Variants in XKR4 observed in about 807,000 individuals in gnomAD.
The protein encoded by XKR4 is XK-related protein 4.
A neutral mutation model predicts 53.9 loss-of-function variants in XKR4; 12 were observed. The observed-to-expected ratio is 0.22, with a 90% CI of 0.14 to 0.36. The LOEUF (loss-of-function observed/expected upper bound fraction) is 0.36, where lower values mean the gene tolerates loss of function less well. XKR4 is among the 10% of genes least tolerant of loss of function. The pLI is 1.00. For synonymous variants in XKR4, 354 were observed against 362.4 expected, an observed-to-expected ratio of 0.98 and a Z score of 0.26; for missense variants, 799 against 859.5, an observed-to-expected ratio of 0.93 and a Z score of 0.88.
chr8:55,471,592 G>T (rs781195103), intron 2 of XKR4, among the ~76,000 whole-genome samples: 2 of 152,108 alleles, frequency 1.3e-5, no homozygotes, highest in Admixed American at 1.3e-4. Context: ...CAATTTGGAG[G>T]CCAGATGCAA....
intron 2 of XKR4, among the ~76,000 whole-genome samples, chr8:55,381,927 G>C (rs947216527): frequency 2.0e-5 from 3 of 152,220 alleles, no homozygotes; most frequent in African/African-American, 7.2e-5. Context: ...GATCCAGGAG[G>C]TTAAATGCCA....
intron 1 of XKR4, chr8:55,135,708 T>C: frequency 2.2e-6 from 1 of 451,662 alleles, no homozygotes; most frequent in Admixed American, 2.4e-5. Context: ...TTATGCCCAT[T>C]ACACCTTGTA....
chr8:55,452,325 C>T (rs779688585), intron 2 of XKR4: 9 of 637,684 alleles, frequency 1.4e-5, no homozygotes, highest in Middle Eastern at 2.8e-4. Flanking sequence ...CGGGAAGGAG[C>T]GGAACACCAC....
In XKR4 at chr8:55,409,209, G is replaced by A. The variant is rs115076704; in HGVS notation, c.1006+51332G>A. On this transcript the variant is annotated intron_variant, in intron 2 of 2. Coordinates refer to ENST00000327381, the MANE Select transcript of XKR4 (RefSeq NM_052898.2). ...TGTGTAAACCCTGTGTTGGAGAGGCGTTACAGGCCTGGCAGGCAGCAAGCA... is the reference window on the plus strand; with the variant it reads ...TGTGTAAACCCTGTGTTGGAGAGGCATTACAGGCCTGGCAGGCAGCAAGCA... Among the ~76,000 whole-genome samples the A allele has an allele frequency of 3.9e-3, 601 of 152,292 alleles. 5 individuals carry two copies. Among genetic ancestry groups the A allele is most frequent in the African/African-American group, 0.014 (577 of 41,566 alleles).
chr8:55,397,493 C>T (rs1804538484), intron 2 of XKR4, among the ~76,000 whole-genome samples: 1 of 152,038 alleles, frequency 6.6e-6, no homozygotes, highest in African/African-American at 2.4e-5. Flanking sequence ...CAACAGGTGG[C>T]CAAGTGGCAC....
chr8:55,168,650 G>A (rs1353822303), intron 1 of XKR4, among the ~76,000 whole-genome samples: 3 of 152,058 alleles, frequency 2.0e-5, no homozygotes, highest in South Asian at 2.1e-4. Context: ...TTTTAATTCT[G>A]AAGCCTATCC....
intron 1 of XKR4, among the ~76,000 whole-genome samples, chr8:55,279,534 G>C (rs1036707219): frequency 6.6e-6 from 1 of 152,218 alleles, no homozygotes; most frequent in Non-Finnish European, 1.5e-5. Flanking sequence ...TACATCAGAA[G>C]TGGAAAAGGG....
chr8:55,521,135 G>A (rs544074609), intron 2 of XKR4, among the ~76,000 whole-genome samples: 1 of 152,344 alleles, frequency 6.6e-6, no homozygotes, highest in Admixed American at 6.5e-5. Flanking sequence ...GGCGTTCCCG[G>A]GCAGAAACCC....
intron 1 of XKR4, among the ~76,000 whole-genome samples, chr8:55,166,371 A>G (rs1417331006): frequency 6.6e-6 from 1 of 152,220 alleles, no homozygotes; most frequent in East Asian, 1.9e-4. Context: ...GGGAACAGTC[A>G]TCTCTGCTGA....
intron 1 of XKR4, among the ~76,000 whole-genome samples, chr8:55,112,315 A>G (rs1816243482): frequency 6.6e-6 from 1 of 152,146 alleles, no homozygotes; most frequent in South Asian, 2.1e-4. Context: ...AGTAACGATG[A>G]GTCAAATAGA....
At chr8:55,494,816 A>G (rs1029627173) in intron 2 of XKR4, among the ~76,000 whole-genome samples, 1 of 152,144 alleles carries the variant, frequency 6.6e-6, no homozygotes, top group African/African-American at 2.4e-5. Flanking sequence ...ATGCACAGCC[A>G]TGGGTGGCCA....
At chr8:55,300,474 C>T (rs1819176140) in intron 1 of XKR4, among the ~76,000 whole-genome samples, 1 of 152,052 alleles carries the variant, frequency 6.6e-6, no homozygotes, top group African/African-American at 2.4e-5. Flanking sequence ...GGTGGGAGTC[C>T]TCGAGGGCAA....
At chr8:55,463,765 T>C (rs1195994136) in intron 2 of XKR4, among the ~76,000 whole-genome samples, 5 of 151,928 alleles carry the variant, frequency 3.3e-5, no homozygotes, top group African/African-American at 9.7e-5. Context: ...AAGAATCAAA[T>C]AGACGCAATA....
At chr8:55,370,211 T>C (rs1804052946) in intron 2 of XKR4, among the ~76,000 whole-genome samples, 1 of 152,234 alleles carries the variant, frequency 6.6e-6, no homozygotes, top group African/African-American at 2.4e-5. Flanking sequence ...ATTGGTCATT[T>C]TGATGACTAT....
chr8:55,478,373 C>G (rs981456120), intron 2 of XKR4, among the ~76,000 whole-genome samples: 6 of 152,006 alleles, frequency 3.9e-5, no homozygotes, highest in Non-Finnish European at 1.5e-5. Context: ...ACCACCAGGC[C>G]TGCCCTAAAA....
chr8:55,153,076 T>G (rs1816859693), intron 1 of XKR4, among the ~76,000 whole-genome samples: 1 of 152,190 alleles, frequency 6.6e-6, no homozygotes, highest in African/African-American at 2.4e-5. Flanking sequence ...GGATCCAGGC[T>G]CACGCTGGGT....
intron 1 of XKR4, among the ~76,000 whole-genome samples, chr8:55,147,683 G>C (rs1816789742): frequency 6.6e-6 from 1 of 152,164 alleles, no homozygotes; most frequent in Admixed American, 6.5e-5. Context: ...GAGATTTGGG[G>C]AGAATTTCTA....
intron 1 of XKR4, among the ~76,000 whole-genome samples, chr8:55,271,979 G>T (rs185066778): frequency 1.3e-5 from 2 of 152,244 alleles, no homozygotes; most frequent in Admixed American, 1.3e-4. Context: ...TTTTTATATG[G>T]TCTAGCCTTG....
intron 2 of XKR4, among the ~76,000 whole-genome samples, chr8:55,462,530 G>A (rs1001077479): frequency 6.6e-6 from 1 of 152,186 alleles, no homozygotes; most frequent in Non-Finnish European, 1.5e-5. Flanking sequence ...ATGCCAAATT[G>A]TAAAGACCAT....
Sources: allele counts gnomAD v4.1 joint callset (sites outside exome capture counted in the v4.1 genomes callset), GRCh38; gene constraint gnomAD v4.1.1; transcripts MANE v1.5; gene names NCBI Gene and HGNC (gene_info 2026-07-23, HGNC 2026-07-21).